SLC2A13: variants seen among roughly 807,000 people sequenced by gnomAD.
SLC2A13 encodes proton myo-inositol cotransporter.
A neutral mutation model predicts 64.4 loss-of-function variants in SLC2A13; 32 were observed. That is an observed-to-expected ratio of 0.50 (90% confidence interval 0.37 to 0.67). SLC2A13 has a LOEUF of 0.67. Among genes scored for constraint, SLC2A13 ranks in the 30% least tolerant of loss-of-function variants. The probability of loss-of-function intolerance (pLI) is 0.00; values close to 1 mark genes in which losing one functional copy is unlikely to be tolerated. For synonymous variants in SLC2A13, 338 were observed against 327.1 expected (o/e 1.03, Z -0.36); for missense variants, 743 against 829.2 (o/e 0.90, Z 1.28).
chr12:39,845,822 G>C (rs1229081991), intron 6 of SLC2A13, among the ~76,000 whole-genome samples: 1 of 152,128 alleles, frequency 6.6e-6, no homozygotes, highest in African/African-American at 2.4e-5. Flanking sequence ...TGGTGTTGGG[G>C]TGGGTCAAAA....
At chr12:39,774,523 A>C (rs1940700246) in intron 7 of SLC2A13, among the ~76,000 whole-genome samples, 1 of 151,076 alleles carries the variant, frequency 6.6e-6, no homozygotes, top group Non-Finnish European at 1.5e-5. Flanking sequence ...ATGGTTTCCT[A>C]GCTTGCAGTG....
intron 3 of SLC2A13, among the ~76,000 whole-genome samples, chr12:39,980,680 C>T (rs916186149): frequency 2.0e-5 from 3 of 151,244 alleles, no homozygotes; most frequent in East Asian, 3.9e-4. Flanking sequence ...AAAGCAAGTC[C>T]TGAGTGACCT....
At chr12:39,878,021 A>G (rs531922635) in intron 4 of SLC2A13, among the ~76,000 whole-genome samples, 1 of 152,248 alleles carries the variant, frequency 6.6e-6, no homozygotes, top group Admixed American at 6.5e-5. Context: ...TGCTTTTGCC[A>G]TGTGATGTGT....
At chr12:39,894,261 T>C (rs1040774165) in intron 4 of SLC2A13, among the ~76,000 whole-genome samples, 1 of 152,224 alleles carries the variant, frequency 6.6e-6, no homozygotes, top group Admixed American at 6.5e-5. Context: ...TGAGTTAAAG[T>C]TTTATTTGGC....
chr12:39,914,441 G>C (rs1945486801), intron 4 of SLC2A13, among the ~76,000 whole-genome samples: 1 of 151,958 alleles, frequency 6.6e-6, no homozygotes, highest in Non-Finnish European at 1.5e-5. Flanking sequence ...GTAAAAATGA[G>C]GTGAGCTCTG....
At chr12:39,948,380 T>C (rs1946174790) in intron 4 of SLC2A13, among the ~76,000 whole-genome samples, 1 of 151,948 alleles carries the variant, frequency 6.6e-6, no homozygotes, top group Admixed American at 6.6e-5. Flanking sequence ...TAGATAAATA[T>C]GGTAAAGGAA....
At chr12:39,830,872 G>A (rs1274164998) in intron 6 of SLC2A13, among the ~76,000 whole-genome samples, 1 of 152,118 alleles carries the variant, frequency 6.6e-6, no homozygotes, top group Non-Finnish European at 1.5e-5. Flanking sequence ...TAGAAACAAA[G>A]GCTAACCATC....
intron 1 of SLC2A13, among the ~76,000 whole-genome samples, chr12:40,080,338 T>C (rs1938346543): frequency 6.6e-6 from 1 of 152,202 alleles, no homozygotes; most frequent in African/African-American, 2.4e-5. Flanking sequence ...TTCTTCTTTA[T>C]GCAACTCGTC....
chr12:39,879,471 C>G (rs1306018518), intron 4 of SLC2A13, among the ~76,000 whole-genome samples: 1 of 152,206 alleles, frequency 6.6e-6, no homozygotes, highest in African/African-American at 2.4e-5. Flanking sequence ...CCTTGGGAGC[C>G]CAGCCCTTGC....
chr12:39,985,531 G>A (rs1432907004), intron 3 of SLC2A13, among the ~76,000 whole-genome samples: 1 of 152,078 alleles, frequency 6.6e-6, no homozygotes, highest in Non-Finnish European at 1.5e-5. Flanking sequence ...AGTGTTCCAG[G>A]AGCTAAAAAA....
intron 1 of SLC2A13, among the ~76,000 whole-genome samples, chr12:40,079,947 T>G (rs1938332458): frequency 6.6e-6 from 1 of 152,168 alleles, no homozygotes; most frequent in African/African-American, 2.4e-5. Context: ...CACTACAACC[T>G]CCATCTCCCA....
chr12:39,996,020 T>C (rs776611954), intron 3 of SLC2A13, among the ~76,000 whole-genome samples: 5 of 152,186 alleles, frequency 3.3e-5, no homozygotes, highest in Admixed American at 2.0e-4. Context: ...ATACAGTACA[T>C]TGGAGTGGGG....
At chr12:39,767,252 C>G (rs1463900911) in intron 7 of SLC2A13, among the ~76,000 whole-genome samples, 1 of 151,738 alleles carries the variant, frequency 6.6e-6, no homozygotes, top group South Asian at 2.1e-4. Flanking sequence ...CATCAGAGCC[C>G]TTGAGTGACC....
intron 4 of SLC2A13, among the ~76,000 whole-genome samples, chr12:39,907,263 C>T (rs982845900): frequency 6.6e-6 from 1 of 152,194 alleles, no homozygotes; most frequent in East Asian, 1.9e-4. Flanking sequence ...TGATAATCCA[C>T]CCACATGCAA....
chr12:39,957,305 C>T (rs1407771066), intron 3 of SLC2A13, among the ~76,000 whole-genome samples: 1 of 152,112 alleles, frequency 6.6e-6, no homozygotes, highest in African/African-American at 2.4e-5. Flanking sequence ...CTTGTTCATG[C>T]CACAAATGCC....
At chr12:40,047,440 A>G (rs1284649751) in intron 2 of SLC2A13, among the ~76,000 whole-genome samples, 1 of 152,250 alleles carries the variant, frequency 6.6e-6, no homozygotes, top group Non-Finnish European at 1.5e-5. Context: ...CTATAAAGAT[A>G]TCAAAATCCA....
chr12:39,885,668 GAATT>G (rs1377917001), intron 4 of SLC2A13, among the ~76,000 whole-genome samples: 1 of 152,106 alleles, frequency 6.6e-6, no homozygotes, highest in African/African-American at 2.4e-5. Flanking sequence ...CTCCTCTGAG[GAATT>G]AATTCTCTTC....
intron 6 of SLC2A13, chr12:39,835,729 C>T (rs1224056192): frequency 1.3e-5 from 2 of 152,032 alleles, no homozygotes; most frequent in African/African-American, 2.4e-5. Context: ...GGGTGGATCA[C>T]CAATATATAT....
In SLC2A13 at chr12:39,907,091, A is replaced by G. The variant is rs148680899; in HGVS notation, c.1035-35130T>C. Among the ~76,000 whole-genome samples, 1,014 of 152,292 alleles carry G rather than the reference A, an allele frequency of 6.7e-3. 3 individuals carry two copies. The highest frequency in any genetic ancestry group is 0.021 in the Middle Eastern group (6 of 292). ...AGAAGTTTGACTGTATTTACATGCT[A>G]TCATATTCATGCTTAATTAGTTGTA... On this transcript the variant is annotated intron_variant, in intron 4 of 9. Coordinates refer to ENST00000280871, the MANE Select transcript of SLC2A13 (RefSeq NM_052885.4).
Sources: gnomAD v4.1 joint callset for allele counts (sites outside exome capture counted in the v4.1 genomes callset) on GRCh38, gnomAD v4.1.1 for gene constraint, MANE v1.5 for transcripts, NCBI Gene and HGNC (gene_info 2026-07-23, HGNC 2026-07-21) for gene names.